The following KATNBL1 variants were observed in gnomAD, a reference collection of about 807,000 sequenced individuals.
KATNBL1 encodes the protein KATNB1-like protein 1.
KATNBL1 carries 28 observed loss-of-function variants against 44.7 expected under a neutral mutation model. The observed-to-expected ratio is 0.63, with a 90% CI of 0.46 to 0.86. The LOEUF (loss-of-function observed/expected upper bound fraction) is 0.86. KATNBL1 is among the 40% of genes least tolerant of loss of function. The probability of loss-of-function intolerance (pLI) is 0.00; values close to 1 mark genes in which losing one functional copy is unlikely to be tolerated. For synonymous variants in KATNBL1, 78 were observed against 114.9 expected, an observed-to-expected ratio of 0.68 and a Z score of 2.06; for missense variants, 272 against 350.7, an observed-to-expected ratio of 0.78 and a Z score of 1.79.
chr15:34,194,255 T>C (rs1323592342), intron 1 of KATNBL1, among the ~76,000 whole-genome samples: 1 of 152,164 alleles, frequency 6.6e-6, no homozygotes. Flanking sequence ...TTTAGTTTTA[T>C]ATGCTGCATT....
intron 4 of KATNBL1, among the ~76,000 whole-genome samples, chr15:34,151,733 A>G (rs976009525): frequency 6.6e-6 from 1 of 151,668 alleles, no homozygotes; most frequent in African/African-American, 2.4e-5. Context: ...TAATTTTTGT[A>G]TTTCTAGTAG....
intron 1 of KATNBL1, among the ~76,000 whole-genome samples, chr15:34,194,126 G>A (rs1188063861): frequency 6.6e-6 from 1 of 152,020 alleles, no homozygotes; most frequent in Non-Finnish European, 1.5e-5. Context: ...ATTTTTAGTA[G>A]AGACGGGGTT....
At chr15:34,185,776 T>C (rs1394670484) in intron 1 of KATNBL1, among the ~76,000 whole-genome samples, 1 of 151,950 alleles carries the variant, frequency 6.6e-6, no homozygotes, top group Non-Finnish European at 1.5e-5. Flanking sequence ...AGGGAAGAAA[T>C]GTAACTACAT....
intron 1 of KATNBL1, among the ~76,000 whole-genome samples, chr15:34,164,893 C>A (rs1353021581): frequency 6.6e-6 from 1 of 152,082 alleles, no homozygotes; most frequent in African/African-American, 2.4e-5. Context: ...TGCAGTGGAG[C>A]CCAAAGCAAT....
chr15:34,142,660 T>TTAC (rs768106657), intron 9 of KATNBL1: 2 of 331,852 alleles, frequency 6.0e-6, no homozygotes, highest in African/African-American at 2.2e-5. Context: ...TCAGTGCTGT[T>TTAC]TACTATCAGT....
intron 1 of KATNBL1, among the ~76,000 whole-genome samples, chr15:34,188,367 C>T (rs145162903): frequency 6.6e-6 from 1 of 151,794 alleles, no homozygotes; most frequent in East Asian, 1.9e-4. Context: ...ATCAGCCTGG[C>T]CAACATGATG....
intron 1 of KATNBL1, among the ~76,000 whole-genome samples, chr15:34,190,226 G>A (rs771865176): frequency 3.9e-5 from 6 of 152,156 alleles, no homozygotes; most frequent in Non-Finnish European, 8.8e-5. Context: ...TTACAGGCGT[G>A]AGCCACCGCG....
At chr15:34,171,817 T>C (rs536208266) in intron 1 of KATNBL1, among the ~76,000 whole-genome samples, 1 of 152,026 alleles carries the variant, frequency 6.6e-6, no homozygotes, top group African/African-American at 2.4e-5. Context: ...ACGATCATTT[T>C]CAGCAAACTA....
intron 1 of KATNBL1, among the ~76,000 whole-genome samples, chr15:34,197,372 T>G (rs1365146109): frequency 6.6e-6 from 1 of 152,204 alleles, no homozygotes; most frequent in African/African-American, 2.4e-5. Context: ...AGTTACCTAA[T>G]CTCCTATTTT....
intron 2 of KATNBL1, among the ~76,000 whole-genome samples, chr15:34,162,587 G>A (rs1385644104): frequency 6.6e-6 from 1 of 152,196 alleles, no homozygotes; most frequent in Non-Finnish European, 1.5e-5. Context: ...TAACAAGTGA[G>A]TTAAATTTTA....
intron 4 of KATNBL1, 102 bp downstream of exon 4, chr15:34,152,688 A>G: frequency 1.1e-6 from 1 of 931,444 alleles, no homozygotes; most frequent in Non-Finnish European, 1.6e-6. Flanking sequence ...TCTACATTCA[A>G]TAGGTGACAA....
intron 1 of KATNBL1, among the ~76,000 whole-genome samples, chr15:34,199,399 T>C (rs1890110243): frequency 6.6e-6 from 1 of 152,188 alleles, no homozygotes; most frequent in African/African-American, 2.4e-5. Context: ...ACTGTGCCAC[T>C]GCACTCCAGC....
At chr15:34,143,070 G>C in intron 9 of KATNBL1, 1 of 1,206,868 alleles carries the variant, frequency 8.3e-7, no homozygotes, top group Non-Finnish European at 1.1e-6. Flanking sequence ...AATTTTGTAA[G>C]AAAGTCTCAT....
chr15:34,183,638 AGAG>A (rs1889628237), intron 1 of KATNBL1, among the ~76,000 whole-genome samples: 1 of 152,214 alleles, frequency 6.6e-6, no homozygotes, highest in African/African-American at 2.4e-5. Flanking sequence ...ATTTTTTAAT[AGAG>A]GAGGAAACTA....
chr15:34,165,672 GTAATCCC>G (rs1307172346), intron 1 of KATNBL1, among the ~76,000 whole-genome samples: 19 of 152,220 alleles, frequency 1.2e-4, no homozygotes, highest in African/African-American at 1.7e-4. Context: ...GGTGGGACCT[GTAATCCC>G]AGCTACCTGG....
chr15:34,202,278 CTCTA>C (rs917008019), intron 1 of KATNBL1, among the ~76,000 whole-genome samples: 1 of 152,164 alleles, frequency 6.6e-6, no homozygotes, highest in African/African-American at 2.4e-5. Context: ...AATTAAAAAA[CTCTA>C]TCTTCATTAT....
intron 9 of KATNBL1, among the ~76,000 whole-genome samples, chr15:34,143,655 T>G (rs1346338002): frequency 2.0e-5 from 3 of 149,938 alleles, no homozygotes; most frequent in Non-Finnish European, 4.4e-5. Flanking sequence ...TTTTCATCAT[T>G]AAGAATTCTA....
At chr15:34,186,790 T>C (rs549723432) in intron 1 of KATNBL1, among the ~76,000 whole-genome samples, 2 of 152,288 alleles carry the variant, frequency 1.3e-5, no homozygotes, top group East Asian at 1.9e-4. Context: ...GGGCCATGAA[T>C]GGCAGCGGGA....
At chr15:34,144,773 A>T (rs1002635040) in intron 9 of KATNBL1, among the ~76,000 whole-genome samples, 5 of 152,024 alleles carry the variant, frequency 3.3e-5, no homozygotes, top group Admixed American at 2.6e-4. Context: ...GGTTTCACCA[A>T]CCAGGCTGGT....
Sources: allele counts gnomAD v4.1 joint callset (sites outside exome capture counted in the v4.1 genomes callset), GRCh38; gene constraint gnomAD v4.1.1; transcripts MANE v1.5; gene names NCBI Gene and HGNC (gene_info 2026-07-23, HGNC 2026-07-21).